DNMT3A: variants seen among roughly 807,000 people sequenced by gnomAD.
DNMT3A encodes the protein DNA (cytosine-5)-methyltransferase 3A.
A neutral mutation model predicts 117.6 loss-of-function variants in DNMT3A; 267 were observed. That is an observed-to-expected ratio of 2.27 (90% CI 2.05 to 2.51). DNMT3A has a LOEUF of 2.51. Ranked by LOEUF, DNMT3A falls within the 30% of genes most tolerant of loss-of-function variation. The probability of loss-of-function intolerance (pLI) is 0.00; values close to 1 mark genes in which losing one functional copy is unlikely to be tolerated. For synonymous variants in DNMT3A, 432 were observed against 474.8 expected, an observed-to-expected ratio of 0.91 and a Z score of 1.17; for missense variants, 1,029 against 1,260.2, an observed-to-expected ratio of 0.82 and a Z score of 2.78.
In DNMT3A at chr2:25,236,927, G is replaced by A. The variant is rs769146992; in HGVS notation, c.2478+9C>T. ...CCCCCCAGCAGAGGTTCTAGACGCT[G>A]GAGCTGACCTTGGCTATCCTGCCAT... On this transcript the variant is annotated intron_variant, in intron 21 of 22. Coordinates refer to ENST00000321117, the MANE Select transcript of DNMT3A (RefSeq NM_022552.5). The surrounding 1 kb of genome is among the most constrained non-coding windows in gnomAD (Gnocchi z 4.5). The A allele has an allele frequency of 1.9e-6, 3 of 1,611,072 alleles. No homozygotes were observed. The highest frequency in any genetic ancestry group is 1.7e-6 in the Non-Finnish European group (2 of 1,178,876).
At position 25,244,633 on chromosome 2, in the gene DNMT3A, G is replaced by A. The variant is rs1674520842; in HGVS notation, c.1574C>T (p.Ala525Val). Residue 525 changes from alanine (A) to valine (V), a missense_variant, in exon 14 of 23, where the codon GCG (alanine) becomes GTG (valine). Physicochemically the swap from Ala to Val is moderately conservative, Grantham distance 64. Transcript: ENST00000321117. The stretch of plus-strand genomic sequence containing the variant: ...GTAGCCGTCGTCGTCGTACTGGTAC[G>A]CACACTCCAGAAAGCAGTTCTAGAC... ...QNCKNCFLEC[A>V]YQYDDDGYQS... The A allele has an allele frequency of 6.2e-7, 1 of 1,614,086 alleles. No individual in the cohort carries two copies. Among genetic ancestry groups the A allele is most frequent in the Non-Finnish European group, 8.5e-7 (1 of 1,179,998 alleles).
chr2:25,307,860 C>A (rs2033868736), intron 2 of DNMT3A, among the ~76,000 whole-genome samples: 2 of 152,312 alleles, frequency 1.3e-5, no homozygotes, highest in African/African-American at 4.8e-5. Context: ...CCTAACCCGG[C>A]CATTAAGAGC....
rs562151085 is a variant in DNMT3A, at chr2:25,244,536, T to G, written c.1667+4A>C. On this transcript the variant is annotated splice_donor_region_variant and intron_variant, in intron 14 of 22. Transcript: ENST00000321117. ...GAGACCACTGGAGGCCACAACAGCC[T>G]CACCTGCAGCAGTTGTTGTTTCCGC... 2.5e-6 allele frequency: 4 copies of G among 1,613,856 alleles called. No individual in the cohort carries two copies. Among genetic ancestry groups the G allele is most frequent in the East Asian group, 2.2e-5 (1 of 44,878 alleles).
Position 25,235,881 on chromosome 2 carries a change from G to A in DNMT3A, c.2479-56C>T, listed in dbSNP as rs1673306115. On this transcript the variant is annotated intron_variant, in intron 21 of 22. Transcript: ENST00000321117. ...ACGAATTCATTCACCAGCCAACACT[G>A]GTCATGCGTCTACCAAATATGCCAG... 2.7e-6 allele frequency: 4 copies of A among 1,476,582 alleles called. No individual in the cohort carries two copies. In the East Asian group the frequency reaches 9.0e-5, roughly 33 times the overall value. The allele number at this position is 1,476,582 out of a possible 1,614,324, so 91.5% of individuals were successfully genotyped here.
chr2:25,246,435 G>A, intron 10 of DNMT3A, 126 bp from the exon 11 acceptor site: 3 of 1,443,540 alleles, frequency 2.1e-6, no homozygotes, highest in South Asian at 2.7e-5. Context: ...CAACTCTACG[G>A]TTCTAGCCAA....
rs369547468 is a variant in DNMT3A at position 25,323,779 on chromosome 2, G to A, written c.-177-9618C>T. On this transcript the variant is annotated intron_variant, in intron 1 of 22. Transcript: ENST00000321117. ...AAGCTCCTCCGACATGCCAGGCCCC[G>A]TGAGCAGAGCTTTACAATGTCAACA... Among the ~76,000 whole-genome samples, 9 of 152,310 alleles carry A rather than the reference G, an allele frequency of 5.9e-5. No homozygotes were observed. In the East Asian group the frequency reaches 1.4e-3, roughly 23 times the overall value.
In DNMT3A at chr2:25,245,284, A is replaced by G. The variant is rs1056677010; in HGVS notation, c.1523T>C (p.Leu508Pro). 6.2e-7 allele frequency: 1 copy of G among 1,613,868 alleles called. No homozygotes were observed. Among genetic ancestry groups the G allele is most frequent in the Admixed American group, 1.7e-5 (1 of 60,018 alleles). Residue 508 changes from leucine to proline, a missense_variant, in exon 13 of 23, where the codon CTC (leucine) becomes CCC (proline). Physicochemically the swap from Leu to Pro is moderately conservative, Grantham distance 98. Coordinates refer to ENST00000321117, the MANE Select transcript of DNMT3A (RefSeq NM_022552.5). ...GSLNVTLEHP[L>P]FVGGMCQNCK... is the part of the protein sequence containing the mutation. Reference sequence around the variant, plus strand: ...GTTTTGGCACATTCCTCCAACGAAGAGGGGGTGTTCCAGGGTAACATTGAG... The same window carrying G: ...GTTTTGGCACATTCCTCCAACGAAGGGGGGGTGTTCCAGGGTAACATTGAG...
At chr2:25,299,358 G>A (rs2033286625) in intron 3 of DNMT3A, among the ~76,000 whole-genome samples, 1 of 152,096 alleles carries the variant, frequency 6.6e-6, no homozygotes, top group Non-Finnish European at 1.5e-5. Flanking sequence ...GCCTCACAGA[G>A]ACTCCTCAGC....
rs547118091 is a variant in DNMT3A, at chr2:25,286,447, C to T, written c.178-3736G>A. Among the ~76,000 whole-genome samples the T allele has an allele frequency of 6.6e-6, 1 of 152,256 alleles. No homozygotes were observed. Among genetic ancestry groups the T allele is most frequent in the Non-Finnish European group, 1.5e-5 (1 of 68,044 alleles). ...TAGCTCACCCGCTGAAATCCCCACTCCCGCATCTGGTCCACACCATCCTCT... is the reference window on the plus strand; with the variant it reads ...TAGCTCACCCGCTGAAATCCCCACTTCCGCATCTGGTCCACACCATCCTCT... On this transcript the variant is annotated intron_variant, in intron 3 of 22. Transcript: ENST00000321117. This position sits in a 1 kb window ranked among gnomAD's most constrained non-coding sequence, Gnocchi z 4.3.
At chr2:25,258,294 A>G (rs536428730) in intron 6 of DNMT3A, among the ~76,000 whole-genome samples, 1 of 152,330 alleles carries the variant, frequency 6.6e-6, no homozygotes, top group Non-Finnish European at 1.5e-5. Flanking sequence ...CCTGCCCCAG[A>G]ACCTCCTCCC....
intron 1 of DNMT3A, among the ~76,000 whole-genome samples, chr2:25,331,686 A>T (rs1421133041): frequency 6.6e-6 from 1 of 152,148 alleles, no homozygotes; most frequent in African/African-American, 2.4e-5. Context: ...TCCTTCAAAC[A>T]TCTGCAGGGG....
At chr2:25,242,004 G>A (rs972080065) in intron 16 of DNMT3A, 1 of 415,902 alleles carries the variant, frequency 2.4e-6, no homozygotes, top group South Asian at 3.2e-5. Flanking sequence ...GACTTTTTGG[G>A]GGCCTTTTCT....
intron 9 of DNMT3A, 119 bp from the exon 10 acceptor site, chr2:25,246,895 G>A (rs1674862159): frequency 2.0e-6 from 3 of 1,514,380 alleles, no homozygotes; most frequent in Admixed American, 3.6e-5. Flanking sequence ...AGGAACCGCT[G>A]AGGAGGAGCG....
rs576423064 is a variant in DNMT3A, at chr2:25,238,251, A to ATC, written c.2408+877_2408+878dup. Among the ~76,000 whole-genome samples, 47 of 152,260 alleles carry ATC rather than the reference A, an allele frequency of 3.1e-4. 1 individual carries two copies. The highest frequency in any genetic ancestry group is 2.7e-3 in the Admixed American group (42 of 15,300). On this transcript the variant is annotated intron_variant, in intron 20 of 22. Coordinates refer to ENST00000321117, the MANE Select transcript of DNMT3A (RefSeq NM_022552.5). The stretch of plus-strand genomic sequence containing the variant: ...TTCAGGCCAGCTGCCCCAATGCCCC[A>ATC]TCTCCTTCCCCTCAACAAGCCCTCG...
chr2:25,333,666 G>A (rs2035098892), intron 1 of DNMT3A, among the ~76,000 whole-genome samples: 1 of 152,202 alleles, frequency 6.6e-6, no homozygotes, highest in Admixed American at 6.5e-5. Context: ...GGGCCTTACA[G>A]AGCAGCAGGG....
At chr2:25,332,875 A>T (rs947932385) in intron 1 of DNMT3A, among the ~76,000 whole-genome samples, 27 of 152,262 alleles carry the variant, frequency 1.8e-4, no homozygotes, top group African/African-American at 5.5e-4. Flanking sequence ...GCCAGCTGCC[A>T]GGCCGGGCTG....
chr2:25,339,110 T>A lies in DNMT3A; in HGVS notation c.-178+2716A>T, dbSNP rs139981688. ...GCTGGGCGCCCTGATCTCTCTCATA[T>A]CTCCTTCTCCTTGGAAGCCTTCCCC... is the stretch of plus-strand genomic sequence containing the variant. On this transcript the variant is annotated intron_variant, in intron 1 of 22. Coordinates refer to ENST00000321117, the MANE Select transcript of DNMT3A (RefSeq NM_022552.5). This position sits in a 1 kb window ranked among gnomAD's most constrained non-coding sequence, Gnocchi z 4.9. Among the ~76,000 whole-genome samples the A allele has an allele frequency of 1.2e-4, 18 of 151,796 alleles. No homozygotes were observed. The East Asian group carries it at 3.5e-3, about 29-fold the overall frequency.
chr2:25,237,295 A>G lies in DNMT3A; in HGVS notation c.2409-290T>C, dbSNP rs182372453. Among the ~76,000 whole-genome samples the G allele has an allele frequency of 3.3e-3, 496 of 152,378 alleles. 4 individuals are homozygous for G. Among genetic ancestry groups the G allele is most frequent in the African/African-American group, 0.011 (467 of 41,594 alleles). ...ATAACACCTAGCAGAAAAAGAAAAA[A>G]AAAGCACAGCTATCTTTACATCAGT... On this transcript the variant is annotated intron_variant, in intron 20 of 22. Transcript: ENST00000321117. This position sits in a 1 kb window ranked among gnomAD's most constrained non-coding sequence, Gnocchi z 5.4.
chr2:25,230,945 G>A lies in DNMT3A; in HGVS notation c.*3334C>T, dbSNP rs1235904922. On this transcript the variant is annotated 3_prime_UTR_variant, in exon 23 of 23. Transcript: ENST00000321117. ...CCTCCTCGAGCAAGCCGGCCCACAG[G>A]AATCCCCCAGGCTTGCCATGCCCTT... 2.0e-5 allele frequency: 3 copies of A among 152,240 alleles called. No individual in the cohort carries two copies. The highest frequency in any genetic ancestry group is 4.8e-5 in the African/African-American group (2 of 41,418). 9.4% of individuals were successfully genotyped at this position (152,240 alleles called of 1,614,324 possible).
Sources: gnomAD v4.1 joint callset for allele counts (sites outside exome capture counted in the v4.1 genomes callset) on GRCh38, gnomAD v4.1.1 for gene constraint, Gnocchi (gnomAD v3.1) non-coding constraint, MANE v1.5 for transcripts, NCBI Gene and HGNC (gene_info 2026-07-23, HGNC 2026-07-21) for gene names.